Variants in POMGNT2 observed in about 807,000 individuals in gnomAD.
POMGNT2 encodes the protein protein O-linked-mannose beta-1,4-N-acetylglucosaminyltransferase 2.
POMGNT2 carries 32 observed loss-of-function variants against 37.8 expected under a neutral mutation model. The ratio of observed to expected loss-of-function variants is 0.85; its 90% CI spans 0.64 to 1.14. The LOEUF (loss-of-function observed/expected upper bound fraction) is 1.14, where lower values mean the gene tolerates loss of function less well. Among genes scored for constraint, POMGNT2 ranks in the 50% most tolerant of loss-of-function variants. The probability of loss-of-function intolerance (pLI) is 0.00; values close to 1 mark genes in which losing one functional copy is unlikely to be tolerated. For missense variants in POMGNT2, 705 were observed against 780.6 expected (o/e 0.90, Z 1.15); for synonymous variants, 340 against 336.8 (o/e 1.01, Z -0.10).
In POMGNT2 at chr3:43,080,047, C is replaced by A. The variant is rs34083889; in HGVS notation, c.1385G>T (p.Arg462Leu). Reference protein sequence around the residue: ...VDIPSLIQTIRRVVKGRPGPR... With the variant: ...VDIPSLIQTILRVVKGRPGPR... ...TCCTGGCCGGCCCTTCACCACGCGC[C>A]GTATGGTTTGAATGAGGGACGGGAT... Residue 462 changes from arginine (R) to leucine (L), a missense_variant, in exon 2 of 2, where the codon CGG (arginine) becomes CTG (leucine). Arg to Leu is a moderately radical substitution (Grantham distance 102). Transcript: ENST00000344697. 2.3e-3 allele frequency: 3,784 copies of A among 1,613,812 alleles called. 64 individuals are homozygous for A. The African/African-American group carries it at 0.044, about 19-fold the overall frequency.
chr3:43,098,561 G>A lies in POMGNT2; in HGVS notation c.-106+7275C>T, dbSNP rs1028043512. Among the ~76,000 whole-genome samples the A allele has an allele frequency of 6.6e-6, 1 of 152,140 alleles. No individual in the cohort carries two copies. The highest frequency in any genetic ancestry group is 6.5e-5 in the Admixed American group (1 of 15,280). On this transcript the variant is annotated intron_variant, in intron 1 of 1. Coordinates refer to ENST00000344697, the MANE Select transcript of POMGNT2 (RefSeq NM_032806.6). This position sits in a 1 kb window ranked among gnomAD's most constrained non-coding sequence, Gnocchi z 4.3. ...AAACTTAACACATTTAATTATCAAG[G>A]CATATTTAACATTTAGTTAAGGGCT...
Position 43,080,264 on chromosome 3 carries a change from A to G in POMGNT2, c.1168T>C (p.Tyr390His). Residue 390 changes from tyrosine (Y) to histidine (H), a missense_variant, in exon 2 of 2, where the codon TAT becomes CAT. Coordinates refer to ENST00000344697, the MANE Select transcript of POMGNT2 (RefSeq NM_032806.6). The part of the protein sequence containing the change: ...LAMLPGMDLQ[Y>H]VAWRNMMPEN... ...GGCATCATGTTCCGCCAGGCTACAT[A>G]CTGGAGGTCCATGCCAGGCAGCATG... is the stretch of plus-strand genomic sequence containing the variant. The G allele has an allele frequency of 6.2e-7, 1 of 1,614,142 alleles. No individual in the cohort carries two copies. Among genetic ancestry groups the G allele is most frequent in the Non-Finnish European group, 8.5e-7 (1 of 1,180,022 alleles).
chr3:43,079,626 A>T lies in POMGNT2; in HGVS notation c.*63T>A, dbSNP rs2089827132. On this transcript the variant is annotated 3_prime_UTR_variant, in exon 2 of 2. Coordinates refer to ENST00000344697, the MANE Select transcript of POMGNT2 (RefSeq NM_032806.6). ...TCCCAGAAGTCTCCACAGTGGGATT[A>T]ATGGGCCCAGGGACGCTGAACTGCA... 1 of 1,430,824 alleles carries T rather than the reference A, an allele frequency of 7.0e-7. No homozygotes were observed. The highest frequency in any genetic ancestry group is 9.6e-7 in the Non-Finnish European group (1 of 1,042,178). 88.6% of individuals were successfully genotyped at this position (1,430,824 alleles called of 1,614,324 possible). A position where few individuals can be genotyped will look rare whatever the true frequency, so the allele number is the denominator to read the frequency against.
intron 1 of POMGNT2, among the ~76,000 whole-genome samples, chr3:43,094,857 C>G (rs913378170): frequency 1.1e-4 from 17 of 152,194 alleles, no homozygotes; most frequent in African/African-American, 3.9e-4. Context: ...TCTGAGAGCA[C>G]AAAAGCAGAG....
chr3:43,093,839 CA>C (rs1421630736), intron 1 of POMGNT2, among the ~76,000 whole-genome samples: 2 of 152,148 alleles, frequency 1.3e-5, no homozygotes, highest in African/African-American at 4.8e-5. Context: ...TTCATGTTTA[CA>C]AGTCTATTGG....
intron 1 of POMGNT2, among the ~76,000 whole-genome samples, chr3:43,104,365 G>C (rs2090042035): frequency 6.6e-6 from 1 of 152,220 alleles, no homozygotes; most frequent in Admixed American, 6.5e-5. Flanking sequence ...TTTCTAGTTA[G>C]TGCAATATTT....
At chr3:43,091,270 A>AG (rs1464123618) in intron 1 of POMGNT2, among the ~76,000 whole-genome samples, 1 of 151,620 alleles carries the variant, frequency 6.6e-6, no homozygotes, top group Non-Finnish European at 1.5e-5. Flanking sequence ...AAAAGTATTA[A>AG]AAAAAAAATG....
chr3:43,079,500 G>A lies in POMGNT2; in HGVS notation c.*189C>T, dbSNP rs1053141931. ...ACAAATGTTCAGGATGGGAGAAGGGGAAGTCAGGTCCCTTATCTCTAGGGC... is the reference window on the plus strand; with the variant it reads ...ACAAATGTTCAGGATGGGAGAAGGGAAAGTCAGGTCCCTTATCTCTAGGGC... On this transcript the variant is annotated 3_prime_UTR_variant, in exon 2 of 2. Coordinates refer to ENST00000344697, the MANE Select transcript of POMGNT2 (RefSeq NM_032806.6). 2.7e-5 allele frequency: 15 copies of A among 559,182 alleles called. No individual in the cohort carries two copies. Among genetic ancestry groups the A allele is most frequent in the African/African-American group, 1.1e-4 (6 of 52,724 alleles). The allele number at this position is 559,182 out of a possible 1,614,324, so 34.6% of individuals were successfully genotyped here. A position where few individuals can be genotyped will look rare whatever the true frequency, so the allele number is the denominator to read the frequency against.
rs1161078665 is a variant in POMGNT2 at position 43,080,826 on chromosome 3, G to A, written c.606C>T (p.His202=). The stretch of plus-strand genomic sequence containing the variant: ...GGCTGAGCAGCTTGTAGAGGTCGAA[G>A]TGTGCACCCTCGCCCCAGCCCTCCA... ...FFMEGWGEGA[H]FDLYKLLSPK... Residue 202 remains histidine (H), a synonymous_variant, in exon 2 of 2, where the codon CAC becomes CAT. Coordinates refer to ENST00000344697, the MANE Select transcript of POMGNT2 (RefSeq NM_032806.6). 2 of 1,613,954 alleles carry A rather than the reference G, an allele frequency of 1.2e-6. No homozygotes were observed. Among genetic ancestry groups the A allele is most frequent in the Non-Finnish European group, 1.7e-6 (2 of 1,180,000 alleles).
chr3:43,080,886 A>C lies in POMGNT2; in HGVS notation c.546T>G (p.Phe182Leu), dbSNP rs199981471. 24 of 1,614,046 alleles carry C rather than the reference A, an allele frequency of 1.5e-5. No homozygotes were observed. The highest frequency in any genetic ancestry group is 2.0e-5 in the Non-Finnish European group (24 of 1,180,018). The change falls in exon 2 of 2, where the codon TTT (phenylalanine) becomes TTG (leucine). Residue 182 changes from phenylalanine to leucine, a missense_variant. Phe to Leu is a conservative substitution (Grantham distance 22). Coordinates refer to ENST00000344697, the MANE Select transcript of POMGNT2 (RefSeq NM_032806.6). Reference protein sequence around the residue: ...LLPLFYTLRQFPGLAHEARLF... With the variant: ...LLPLFYTLRQLPGLAHEARLF... ...GCCGTGCCTCGTGGGCCAGGCCGGG[A>C]AACTGCCGCAGGGTGTAGAAGAGTG...
chr3:43,100,805 C>G (rs747366812), intron 1 of POMGNT2, among the ~76,000 whole-genome samples: 7 of 152,128 alleles, frequency 4.6e-5, no homozygotes, highest in Non-Finnish European at 8.8e-5. Flanking sequence ...TCAGGGCCAG[C>G]TATTTTCTAG....
In POMGNT2 at chr3:43,085,456, G is replaced by T. The variant is rs188968982; in HGVS notation, c.-105-3920C>A. Reference sequence around the variant, plus strand: ...CTGTGCTGTTCTCGTGATAGTGAATGGGTCTCACTAGATCTGATAGTTTTA... The same window carrying T: ...CTGTGCTGTTCTCGTGATAGTGAATTGGTCTCACTAGATCTGATAGTTTTA... On this transcript the variant is annotated intron_variant, in intron 1 of 1. Coordinates refer to ENST00000344697, the MANE Select transcript of POMGNT2 (RefSeq NM_032806.6). Among the ~76,000 whole-genome samples, 16 of 151,284 alleles carry T rather than the reference G, an allele frequency of 1.1e-4. No homozygotes were observed. The East Asian group carries it at 1.9e-3, about 18-fold the overall frequency.
chr3:43,102,789 C>G lies in POMGNT2; in HGVS notation c.-106+3047G>C, dbSNP rs372490165. Among the ~76,000 whole-genome samples the G allele has an allele frequency of 1.1e-4, 16 of 152,274 alleles. No homozygotes were observed. The East Asian group carries it at 1.9e-3, about 18-fold the overall frequency. ...CTCACTAAGGTCTTGTTCTTAGTAC[C>G]GTGCTCATCTGTCATCAGACTTGGA... is the stretch of plus-strand genomic sequence containing the variant. On this transcript the variant is annotated intron_variant, in intron 1 of 1. Transcript: ENST00000344697.
intron 1 of POMGNT2, among the ~76,000 whole-genome samples, chr3:43,089,092 T>C (rs2089921747): frequency 1.3e-5 from 2 of 152,196 alleles, no homozygotes; most frequent in East Asian, 3.9e-4. Context: ...CTAAGAAACC[T>C]TTTCATGAGA....
chr3:43,105,576 C>G (rs573313784), intron 1 of POMGNT2, among the ~76,000 whole-genome samples: 1 of 149,496 alleles, frequency 6.7e-6, no homozygotes, highest in East Asian at 2.1e-4. Flanking sequence ...CCCCGGCCCC[C>G]GACCCCCAAT....
At chr3:43,090,217 C>T (rs938032307) in intron 1 of POMGNT2, among the ~76,000 whole-genome samples, 1 of 152,178 alleles carries the variant, frequency 6.6e-6, no homozygotes. Flanking sequence ...ATTCATAAGA[C>T]TCTCTTCTGC....
At chr3:43,097,954 A>G (rs2089991695) in intron 1 of POMGNT2, among the ~76,000 whole-genome samples, 1 of 152,094 alleles carries the variant, frequency 6.6e-6, no homozygotes, top group Admixed American at 6.5e-5. Flanking sequence ...CCGGGTTCCC[A>G]GTTTTGTGAC....
chr3:43,086,825 AGAAAG>A (rs1316963553), intron 1 of POMGNT2, among the ~76,000 whole-genome samples: 1 of 151,958 alleles, frequency 6.6e-6, no homozygotes, highest in Non-Finnish European at 1.5e-5. Flanking sequence ...CTCAGAAGGG[AGAAAG>A]GAGAGGTGAC....
chr3:43,080,402 T>G lies in POMGNT2; in HGVS notation c.1030A>C (p.Met344Leu). 6.2e-7 allele frequency: 1 copy of G among 1,614,128 alleles called. No individual in the cohort carries two copies. The highest frequency in any genetic ancestry group is 1.6e-4 in the Middle Eastern group (1 of 6,062). ...LVSNASMLVS[M>L]HGAQLVTTLF... ...GTGGTGACCAGCTGGGCCCCATGCATGCTGACCAGCATGGAGGCATTGCTG... is the reference window on the plus strand; with the variant it reads ...GTGGTGACCAGCTGGGCCCCATGCAGGCTGACCAGCATGGAGGCATTGCTG... Residue 344 changes from methionine to leucine, a missense_variant, in exon 2 of 2, where the codon ATG becomes CTG. Physicochemically the swap from Met to Leu is conservative, Grantham distance 15 (BLOSUM62 2). Transcript: ENST00000344697.
Sources: allele counts gnomAD v4.1 joint callset (sites outside exome capture counted in the v4.1 genomes callset), GRCh38; gene constraint gnomAD v4.1.1; non-coding constraint Gnocchi (gnomAD v3.1); transcripts MANE v1.5; gene names NCBI Gene and HGNC (gene_info 2026-07-23, HGNC 2026-07-21).